The following PDE1A variants were observed in gnomAD, a reference collection of about 807,000 sequenced individuals.
PDE1A encodes the protein dual specificity calcium/calmodulin-dependent 3',5'-cyclic nucleotide phosphodiesterase 1A.
Under a neutral mutation model 61.7 loss-of-function variants are expected in PDE1A, and 35 were observed. The observed-to-expected ratio is 0.57, with a 90% CI of 0.43 to 0.75. The LOEUF (loss-of-function observed/expected upper bound fraction) is 0.75, where lower values mean the gene tolerates loss of function less well. Among genes scored for constraint, PDE1A ranks in the 30% least tolerant of loss-of-function variants. The pLI is 0.00. For missense variants in PDE1A, 597 were observed against 630.6 expected (o/e 0.95, Z 0.57); for synonymous variants, 232 against 213.2 (o/e 1.09, Z -0.77).
At chr2:182,209,147 AAAAG>A (rs1172204819) in intron 7 of PDE1A, among the ~76,000 whole-genome samples, 1 of 152,174 alleles carries the variant, frequency 6.6e-6, no homozygotes, top group Non-Finnish European at 1.5e-5. Context: ...GGCAATTTAC[AAAAG>A]AAAGAGGTTT....
intron 1 of PDE1A, among the ~76,000 whole-genome samples, chr2:182,272,067 C>T (rs1321676113): frequency 6.6e-6 from 1 of 152,072 alleles, no homozygotes; most frequent in Admixed American, 6.6e-5. Context: ...GGCAAAAAGA[C>T]AGCAAGATGG....
At chr2:182,413,575 A>G (rs1410091609) in intron 1 of PDE1A, among the ~76,000 whole-genome samples, 2 of 152,210 alleles carry the variant, frequency 1.3e-5, no homozygotes, top group African/African-American at 4.8e-5. Context: ...TGTCCTTAAT[A>G]GTTTTCAACA....
chr2:182,157,662 T>G (rs1364993403), intron 13 of PDE1A, among the ~76,000 whole-genome samples: 2 of 152,152 alleles, frequency 1.3e-5, no homozygotes, highest in Admixed American at 6.6e-5. Context: ...ACCTAAATAA[T>G]ATTCACCATG....
intron 2 of PDE1A, among the ~76,000 whole-genome samples, chr2:182,443,323 A>C (rs1684912846): frequency 6.6e-6 from 1 of 152,044 alleles, no homozygotes; most frequent in Non-Finnish European, 1.5e-5. Flanking sequence ...AATATTATAT[A>C]TTTAAGCTTC....
At chr2:182,476,848 C>A in intron 2 of PDE1A, among the ~76,000 whole-genome samples, 1 of 144,266 alleles carries the variant, frequency 6.9e-6, no homozygotes, top group Non-Finnish European at 1.5e-5. Context: ...TAGGAAGCAA[C>A]AATTATATAA....
the PDE1A span, among the ~76,000 whole-genome samples, chr2:182,542,600 C>T: frequency 6.6e-6 from 1 of 151,670 alleles, no homozygotes; most frequent in Admixed American, 6.6e-5. Flanking sequence ...TCATTTAATC[C>T]TTCATAGCAT....
At chr2:182,392,103 G>C (rs1701456365) in intron 1 of PDE1A, among the ~76,000 whole-genome samples, 1 of 152,006 alleles carries the variant, frequency 6.6e-6, no homozygotes, top group South Asian at 2.1e-4. Context: ...CTTTTACTAG[G>C]GTGTATCAGT....
the PDE1A span, among the ~76,000 whole-genome samples, chr2:182,691,333 T>C: frequency 1.3e-5 from 2 of 152,056 alleles, no homozygotes; most frequent in African/African-American, 4.8e-5. Flanking sequence ...AAAACAGAGA[T>C]ATAGACCAAT....
At chr2:182,497,125 T>C (rs1011065642) in intron 2 of PDE1A, among the ~76,000 whole-genome samples, 4 of 152,220 alleles carry the variant, frequency 2.6e-5, no homozygotes, top group South Asian at 2.1e-4. Context: ...CATGGCCAAT[T>C]GAATACATGT....
chr2:182,483,210 AT>A (rs1687810928), intron 2 of PDE1A, among the ~76,000 whole-genome samples: 1 of 151,910 alleles, frequency 6.6e-6, no homozygotes, highest in African/African-American at 2.4e-5. Flanking sequence ...TAAAGGCAAA[AT>A]AGGCAATTAA....
At chr2:182,395,136 G>T (rs997317489) in intron 1 of PDE1A, among the ~76,000 whole-genome samples, 3 of 152,208 alleles carry the variant, frequency 2.0e-5, no homozygotes, top group African/African-American at 7.2e-5. Flanking sequence ...TGCAGCCATT[G>T]ATCTGGCAAA....
chr2:182,381,227 G>A (rs1470577850), intron 1 of PDE1A, among the ~76,000 whole-genome samples: 1 of 151,688 alleles, frequency 6.6e-6, no homozygotes, highest in African/African-American at 2.4e-5. Flanking sequence ...AGTTGTAACA[G>A]ATTTTTAACA....
chr2:182,529,202 G>A, the PDE1A span, among the ~76,000 whole-genome samples: 1 of 152,230 alleles, frequency 6.6e-6, no homozygotes, highest in Non-Finnish European at 1.5e-5. Flanking sequence ...ATAACCTGCA[G>A]AGCCACAGGG....
At chr2:182,323,408 G>C (rs1408338022) in intron 1 of PDE1A, among the ~76,000 whole-genome samples, 2 of 152,180 alleles carry the variant, frequency 1.3e-5, no homozygotes, top group Admixed American at 6.5e-5. Flanking sequence ...TTCTTCATTA[G>C]AGAAGTAATA....
At chr2:182,610,216 A>G in the PDE1A span, among the ~76,000 whole-genome samples, 2 of 152,200 alleles carry the variant, frequency 1.3e-5, no homozygotes, top group Non-Finnish European at 2.9e-5. Flanking sequence ...TCCTATTTCT[A>G]TACAGCTCTT....
At chr2:182,431,081 A>G (rs1305990948), upstream of PDE1A, among the ~76,000 whole-genome samples, 1 of 140,826 alleles carries the variant, frequency 7.1e-6, no homozygotes, top group Non-Finnish European at 1.6e-5. Context: ...CAATGTGCAC[A>G]TGTACCCTAA....
At chr2:182,286,723 C>T (rs1180759855) in intron 1 of PDE1A, among the ~76,000 whole-genome samples, 3 of 152,096 alleles carry the variant, frequency 2.0e-5, no homozygotes, top group Non-Finnish European at 4.4e-5. Context: ...CTCATAGCTT[C>T]CACTCATATT....
intron 13 of PDE1A, among the ~76,000 whole-genome samples, chr2:182,155,762 A>G (rs1408035961): frequency 6.6e-6 from 1 of 152,268 alleles, no homozygotes; most frequent in East Asian, 1.9e-4. Context: ...GTTGTGACGC[A>G]TGCCTGTAAT....
intron 1 of PDE1A, among the ~76,000 whole-genome samples, chr2:182,397,983 T>C (rs2125429113): frequency 6.6e-6 from 1 of 152,224 alleles, no homozygotes; most frequent in Admixed American, 6.5e-5. Context: ...TAAAAAGAAT[T>C]CTTTCTAAAG....
Sources: allele counts gnomAD v4.1 joint callset (sites outside exome capture counted in the v4.1 genomes callset), GRCh38; gene constraint gnomAD v4.1.1; transcripts MANE v1.5; gene names NCBI Gene and HGNC (gene_info 2026-07-23, HGNC 2026-07-21).